Variants in CD72 observed in about 807,000 individuals in gnomAD.
The protein encoded by CD72 is B-cell differentiation antigen CD72.
A neutral mutation model predicts 50.7 loss-of-function variants in CD72; 28 were observed. The observed-to-expected ratio is 0.55, with a 90% CI of 0.41 to 0.76. The LOEUF (loss-of-function observed/expected upper bound fraction) is 0.76, where lower values mean the gene tolerates loss of function less well. Among genes scored for constraint, CD72 ranks in the 30% least tolerant of loss-of-function variants. The probability of loss-of-function intolerance (pLI) is 0.00; values close to 1 mark genes in which losing one functional copy is unlikely to be tolerated. For synonymous variants in CD72, 176 were observed against 171.2 expected, an observed-to-expected ratio of 1.03 and a Z score of -0.22; for missense variants, 403 against 420.6, an observed-to-expected ratio of 0.96 and a Z score of 0.37.
chr9:35,616,756 G>A (rs1823070845), intron 3 of CD72, 67 bp from the exon 4 acceptor site: 3 of 1,342,550 alleles, frequency 2.2e-6, no homozygotes, highest in Non-Finnish European at 3.2e-6. Context: ...GGAAGGGACA[G>A]GTCCGTGGGG....
chr9:35,615,015 T>C (rs910172665), intron 5 of CD72, among the ~76,000 whole-genome samples: 3 of 151,380 alleles, frequency 2.0e-5, no homozygotes, highest in Non-Finnish European at 4.4e-5. Flanking sequence ...CTTGATGAGA[T>C]CAAAAAAGTG....
At chr9:35,637,584 C>A (rs1313857493) in intron 1 of CD72, among the ~76,000 whole-genome samples, 1 of 152,190 alleles carries the variant, frequency 6.6e-6, no homozygotes, top group African/African-American at 2.4e-5. Context: ...AATTCCAGTT[C>A]TTTTTCCTCT....
intron 6 of CD72, among the ~76,000 whole-genome samples, chr9:35,612,405 T>C (rs1408207695): frequency 6.6e-6 from 1 of 152,028 alleles, no homozygotes; most frequent in African/African-American, 2.4e-5. Flanking sequence ...ACCAATATGG[T>C]GAAACCCCGA....
intron 6 of CD72, 32 bp downstream of exon 6, chr9:35,612,816 C>A: frequency 6.2e-7 from 1 of 1,602,656 alleles, no homozygotes; most frequent in Non-Finnish European, 8.5e-7. Context: ...CTAATAGTAC[C>A]CACTGCAGTC....
At chr9:35,635,966 A>G (rs1823286809) in intron 1 of CD72, among the ~76,000 whole-genome samples, 1 of 152,192 alleles carries the variant, frequency 6.6e-6, no homozygotes, top group Admixed American at 6.5e-5. Context: ...AAAAGTCACC[A>G]AAACACTTAA....
intron 1 of CD72, among the ~76,000 whole-genome samples, chr9:35,632,238 C>T (rs982273382): frequency 3.3e-5 from 5 of 150,384 alleles, no homozygotes; most frequent in African/African-American, 1.2e-4. Context: ...AGTGCAGTGG[C>T]GCGATCTCGG....
chr9:35,636,317 T>C (rs2131787020), intron 1 of CD72, among the ~76,000 whole-genome samples: 1 of 151,352 alleles, frequency 6.6e-6, no homozygotes, highest in East Asian at 1.9e-4. Flanking sequence ...TCTATTTGAC[T>C]TTTTTTTTAA....
chr9:35,623,066 C>T (rs1823160347), upstream of CD72, among the ~76,000 whole-genome samples: 3 of 152,146 alleles, frequency 2.0e-5, no homozygotes, highest in Admixed American at 2.0e-4. Flanking sequence ...ATGTTTGTGC[C>T]ACTGCACTCT....
chr9:35,611,202 G>A (rs1461657373), intron 7 of CD72, among the ~76,000 whole-genome samples: 1 of 151,354 alleles, frequency 6.6e-6, no homozygotes, highest in Non-Finnish European at 1.5e-5. Flanking sequence ...AGTGAGCTGA[G>A]ATTGCACCAC....
intron 8 of CD72, 111 bp from the exon 9 acceptor site, chr9:35,610,411 G>A: frequency 1.9e-6 from 1 of 513,436 alleles, no homozygotes; most frequent in Non-Finnish European, 3.5e-6. Flanking sequence ...CCTCCCATAA[G>A]TTGTAGGCCT....
At chr9:35,645,191 C>T (rs1026605997) in intron 1 of CD72, among the ~76,000 whole-genome samples, 21 of 133,702 alleles carry the variant, frequency 1.6e-4, no homozygotes, top group Non-Finnish European at 2.7e-4. Context: ...AAGAGCGAAA[C>T]TCCGTCTCAA....
chr9:35,617,641 T>C (rs1823086669), intron 2 of CD72, among the ~76,000 whole-genome samples: 1 of 151,990 alleles, frequency 6.6e-6, no homozygotes, highest in African/African-American at 2.4e-5. Context: ...CCGCAGCCCT[T>C]ATCTCCCCGA....
intron 1 of CD72, among the ~76,000 whole-genome samples, chr9:35,644,301 G>C (rs1203098118): frequency 8.3e-6 from 1 of 120,022 alleles, no homozygotes. Context: ...AGTGAGCCAA[G>C]ATCACACCGC....
At chr9:35,613,068 T>C (rs1313122723) in intron 5 of CD72, 75 bp from the exon 6 acceptor site, 1 of 1,287,720 alleles carries the variant, frequency 7.8e-7, no homozygotes, top group Non-Finnish European at 1.1e-6. Flanking sequence ...TTGCTAACAA[T>C]ATTCCCCCAG....
intron 1 of CD72, among the ~76,000 whole-genome samples, chr9:35,641,338 TAAC>T (rs1823338184): frequency 6.6e-6 from 1 of 150,640 alleles, no homozygotes; most frequent in Admixed American, 6.6e-5. Context: ...GAGACAAACT[TAAC>T]AAGGAGGTTA....
At chr9:35,627,022 TAG>T (rs1406393759) in intron 1 of CD72, among the ~76,000 whole-genome samples, 1 of 152,022 alleles carries the variant, frequency 6.6e-6, no homozygotes, top group Admixed American at 6.5e-5. Context: ...GTATTTTTAG[TAG>T]AGAGGGGATT....
intron 1 of CD72, among the ~76,000 whole-genome samples, chr9:35,630,036 C>CTTTTTTTTTTTTTTT (rs35481553): frequency 4.7e-5 from 6 of 128,954 alleles, no homozygotes; most frequent in Non-Finnish European, 6.4e-5. Context: ...AATTTCTTTT[C>CTTTTTTTTTTTTTTT]TTTTTTTTTT....
chr9:35,619,765 C>G (rs948432004), upstream of CD72, among the ~76,000 whole-genome samples: 2 of 152,186 alleles, frequency 1.3e-5, no homozygotes, highest in African/African-American at 4.8e-5. Flanking sequence ...GAGGAGGAAG[C>G]CTTCTGTGGG....
chr9:35,625,335 C>T (rs1344839346), intron 1 of CD72, among the ~76,000 whole-genome samples: 1 of 152,196 alleles, frequency 6.6e-6, no homozygotes, highest in Non-Finnish European at 1.5e-5. Flanking sequence ...TTCTCTTAAG[C>T]CAAAGCCTAA....
Sources: gnomAD v4.1 joint callset for allele counts (sites outside exome capture counted in the v4.1 genomes callset) on GRCh38, gnomAD v4.1.1 for gene constraint, MANE v1.5 for transcripts, NCBI Gene and HGNC (gene_info 2026-07-23, HGNC 2026-07-21) for gene names.